Variants in TEX36 observed in about 807,000 individuals in gnomAD.
TEX36 encodes the protein testis-expressed protein 36.
TEX36 carries 12 observed loss-of-function variants against 13.6 expected under a neutral mutation model. The ratio of observed to expected loss-of-function variants is 0.88; its 90% CI spans 0.56 to 1.43. The LOEUF (loss-of-function observed/expected upper bound fraction) is 1.43, where lower values mean the gene tolerates loss of function less well. TEX36 is among the 40% of genes most tolerant of loss of function. The pLI, the probability that TEX36 is intolerant of heterozygous loss-of-function variation, is 0.00. For missense variants in TEX36, 224 were observed against 228.3 expected (o/e 0.98, Z 0.12); for synonymous variants, 93 against 83.0 (o/e 1.12, Z -0.65).
chr10:125,612,179 G>A (rs1053912465), intron 3 of TEX36, among the ~76,000 whole-genome samples: 1 of 151,210 alleles, frequency 6.6e-6, no homozygotes, highest in African/African-American at 2.4e-5. Context: ...CACCACCTGG[G>A]TCCAAGCAAT....
At chr10:125,590,252 G>T (rs1319723004) in intron 3 of TEX36, among the ~76,000 whole-genome samples, 1 of 151,900 alleles carries the variant, frequency 6.6e-6, no homozygotes. Flanking sequence ...CAGGACTACA[G>T]GTGAGTGGCA....
At chr10:125,661,817 C>G in intron 2 of TEX36, 29 bp downstream of exon 2, 1 of 1,551,322 alleles carries the variant, frequency 6.4e-7, no homozygotes, top group Non-Finnish European at 8.7e-7. Flanking sequence ...CACAGGAGCA[C>G]ATGGCAGTGG....
At chr10:125,667,577 G>T in intron 1 of TEX36, 3 of 737,338 alleles carry the variant, frequency 4.1e-6, no homozygotes, top group South Asian at 2.8e-5. Flanking sequence ...CAACCCTTGG[G>T]TGGTGGTCTC....
chr10:125,627,777 A>G (rs1483581388), intron 3 of TEX36, among the ~76,000 whole-genome samples: 1 of 152,198 alleles, frequency 6.6e-6, no homozygotes, highest in Non-Finnish European at 1.5e-5. Flanking sequence ...AGTCCTTGGG[A>G]CACCAAGGGA....
chr10:125,613,245 ATT>A (rs2133553139), intron 3 of TEX36, among the ~76,000 whole-genome samples: 1 of 10,874 alleles, frequency 9.2e-5, no homozygotes, highest in South Asian at 2.7e-3. Context: ...GACATCTTTT[ATT>A]TATTTATTTA....
chr10:125,578,475 T>C (rs975136044), intron 3 of TEX36: 2 of 152,190 alleles, frequency 1.3e-5, no homozygotes, highest in Non-Finnish European at 2.9e-5. Flanking sequence ...TTGACTTGAA[T>C]TTTCTTTTTT....
intron 3 of TEX36, among the ~76,000 whole-genome samples, chr10:125,604,544 T>C (rs942222961): frequency 8.5e-5 from 13 of 152,174 alleles, no homozygotes; most frequent in Non-Finnish European, 1.6e-4. Context: ...CCAAGGGCAG[T>C]GGCTCATGCC....
intron 3 of TEX36, among the ~76,000 whole-genome samples, chr10:125,624,598 C>A (rs1474650244): frequency 6.6e-6 from 1 of 151,386 alleles, no homozygotes; most frequent in Non-Finnish European, 1.5e-5. Flanking sequence ...CAAGCTTGTT[C>A]TGGTGAGCTC....
At chr10:125,597,127 G>A (rs376412587) in intron 3 of TEX36, among the ~76,000 whole-genome samples, 4 of 152,112 alleles carry the variant, frequency 2.6e-5, no homozygotes, top group Admixed American at 6.5e-5. Flanking sequence ...CTTCACCATC[G>A]CTTAGAGCTG....
chr10:125,625,934 C>T (rs1040889677), intron 3 of TEX36, among the ~76,000 whole-genome samples: 7 of 152,192 alleles, frequency 4.6e-5, no homozygotes, highest in African/African-American at 9.7e-5. Context: ...TAGTGGACAC[C>T]GAGGTGTGCC....
At chr10:125,667,781 C>G in intron 1 of TEX36, 1 of 964,934 alleles carries the variant, frequency 1.0e-6, no homozygotes, top group Non-Finnish European at 1.6e-6. Flanking sequence ...ACAGTAGAAG[C>G]GCCAGTTCTC....
downstream of TEX36, among the ~76,000 whole-genome samples, chr10:125,621,170 T>C (rs1443862401): frequency 1.3e-5 from 2 of 152,178 alleles, no homozygotes; most frequent in African/African-American, 4.8e-5. Context: ...ATATACACTC[T>C]GAGTATATAG....
chr10:125,586,497 T>C (rs1003148234), intron 3 of TEX36, among the ~76,000 whole-genome samples: 3 of 152,034 alleles, frequency 2.0e-5, no homozygotes, highest in African/African-American at 7.2e-5. Flanking sequence ...TGTATAATAG[T>C]CTATCAAAAA....
intron 3 of TEX36, among the ~76,000 whole-genome samples, chr10:125,647,940 G>A (rs535297648): frequency 8.9e-4 from 135 of 152,344 alleles, no homozygotes; most frequent in Admixed American, 2.2e-3. Flanking sequence ...CTGCAAGGCG[G>A]CAGCAAGGCT....
chr10:125,605,170 C>T (rs535616813), intron 3 of TEX36, among the ~76,000 whole-genome samples: 1 of 152,324 alleles, frequency 6.6e-6, no homozygotes, highest in South Asian at 2.1e-4. Flanking sequence ...CGCAGGGCAG[C>T]TGGGCCCACC....
At chr10:125,651,054 A>C (rs1178440379), downstream of TEX36, among the ~76,000 whole-genome samples, 2 of 152,242 alleles carry the variant, frequency 1.3e-5, no homozygotes, top group Non-Finnish European at 2.9e-5. Flanking sequence ...TCACAGCCGA[A>C]TTCTACCAGA....
chr10:125,638,817 G>C (rs1846649556), intron 3 of TEX36, among the ~76,000 whole-genome samples: 1 of 152,242 alleles, frequency 6.6e-6, no homozygotes, highest in South Asian at 2.1e-4. Context: ...AGCAGGGGCT[G>C]CATGAAGCCT....
At chr10:125,634,033 C>CT (rs1222935334) in intron 3 of TEX36, among the ~76,000 whole-genome samples, 1 of 152,004 alleles carries the variant, frequency 6.6e-6, no homozygotes, top group Non-Finnish European at 1.5e-5. Flanking sequence ...AAAAAACTTA[C>CT]TTTTTTTGGA....
chr10:125,605,328 C>A (rs559908393), intron 3 of TEX36, among the ~76,000 whole-genome samples: 1 of 150,244 alleles, frequency 6.7e-6, no homozygotes, highest in Non-Finnish European at 1.5e-5. Context: ...ATTCTCCACA[C>A]GCAGCATAGT....
Sources: allele counts gnomAD v4.1 joint callset (sites outside exome capture counted in the v4.1 genomes callset), GRCh38; gene constraint gnomAD v4.1.1; transcripts MANE v1.5; gene names NCBI Gene and HGNC (gene_info 2026-07-23, HGNC 2026-07-21).